SYT1: variants seen among roughly 807,000 people sequenced by gnomAD.
The protein encoded by SYT1 is synaptotagmin-1.
A neutral mutation model predicts 44.8 loss-of-function variants in SYT1; 8 were observed. That is an observed-to-expected ratio of 0.18 (90% CI 0.10 to 0.32). The LOEUF (loss-of-function observed/expected upper bound fraction) is 0.32. Among genes scored for constraint, SYT1 ranks in the 10% least tolerant of loss-of-function variants. The probability of loss-of-function intolerance (pLI) is 1.00; values close to 1 mark genes in which losing one functional copy is unlikely to be tolerated. For synonymous variants in SYT1, 154 were observed against 188.8 expected, an observed-to-expected ratio of 0.82 and a Z score of 1.51; for missense variants, 286 against 509.3, an observed-to-expected ratio of 0.56 and a Z score of 4.22.
At chr12:78,887,614 C>T (rs1206646273) in intron 1 of SYT1, among the ~76,000 whole-genome samples, 1 of 151,796 alleles carries the variant, frequency 6.6e-6, no homozygotes, top group Non-Finnish European at 1.5e-5. Context: ...GGAACATATC[C>T]CCTACGGATA....
intron 1 of SYT1, among the ~76,000 whole-genome samples, chr12:78,883,197 C>A (rs1441515064): frequency 6.6e-6 from 1 of 151,550 alleles, no homozygotes; most frequent in African/African-American, 2.4e-5. Context: ...TTTATTGACA[C>A]AATGCAAAAA....
At chr12:79,353,774 T>G (rs192621718) in intron 9 of SYT1, among the ~76,000 whole-genome samples, 155 bp downstream of exon 9, 168 of 152,304 alleles carry the variant, frequency 1.1e-3, no homozygotes, top group Non-Finnish European at 1.8e-3. Flanking sequence ...CCCAACACAG[T>G]GCCCCAGGAA....
intron 3 of SYT1, among the ~76,000 whole-genome samples, chr12:79,057,758 G>C (rs776424758): frequency 4.6e-5 from 7 of 151,906 alleles, no homozygotes; most frequent in Middle Eastern, 3.4e-3. Context: ...TTCTGTTTCT[G>C]GTTGGGCCAG....
chr12:79,422,755 C>T (rs1869194741), intron 9 of SYT1, among the ~76,000 whole-genome samples: 1 of 151,882 alleles, frequency 6.6e-6, no homozygotes, highest in African/African-American at 2.4e-5. Context: ...GAATACATAT[C>T]CATCCTGAAG....
At chr12:79,447,974 T>C (rs1870829344) in intron 10 of SYT1, among the ~76,000 whole-genome samples, 1 of 152,224 alleles carries the variant, frequency 6.6e-6, no homozygotes, top group Non-Finnish European at 1.5e-5. Flanking sequence ...ATGTTACATA[T>C]TCCATTTATT....
intron 2 of SYT1, among the ~76,000 whole-genome samples, chr12:79,000,255 A>T (rs1592648180): frequency 6.6e-6 from 1 of 151,840 alleles, no homozygotes; most frequent in African/African-American, 2.4e-5. Flanking sequence ...AGTGGTATTT[A>T]AAAATGACTT....
chr12:79,449,133 A>G lies in SYT1; in HGVS notation c.*9A>G. 6.3e-7 allele frequency: 1 copy of G among 1,595,846 alleles called. No homozygotes were observed. The highest frequency in any genetic ancestry group is 8.5e-7 in the Non-Finnish European group (1 of 1,170,364). On this transcript the variant is annotated 3_prime_UTR_variant, in exon 11 of 11. Transcript: ENST00000261205. ...TGGCCGTCAAGAAGTAAAGGAAAGA[A>G]GAAGCCTTTCTGCATTTGCCCATAT...
intron 4 of SYT1, among the ~76,000 whole-genome samples, chr12:79,221,529 TG>T (rs1875160450): frequency 6.6e-6 from 1 of 152,164 alleles, no homozygotes; most frequent in South Asian, 2.1e-4. Context: ...TTTTCTCTAG[TG>T]GTATGTCTGA....
chr12:79,082,755 C>G (rs1339272306), intron 3 of SYT1, among the ~76,000 whole-genome samples: 1 of 151,934 alleles, frequency 6.6e-6, no homozygotes, highest in South Asian at 2.1e-4. Context: ...CTTCATGAGC[C>G]AAGGAAGAGG....
At chr12:79,400,537 A>C (rs1374973777) in intron 9 of SYT1, among the ~76,000 whole-genome samples, 1 of 152,234 alleles carries the variant, frequency 6.6e-6, no homozygotes, top group Non-Finnish European at 1.5e-5. Flanking sequence ...CAGCATTTTC[A>C]GTTTTCTAGA....
At chr12:79,390,955 A>G (rs10778657) in intron 9 of SYT1, among the ~76,000 whole-genome samples, 78,117 of 151,936 alleles carry the variant, frequency 0.51, 24,187 homozygotes, top group Non-Finnish European at 0.7. Context: ...GATTCCTGCC[A>G]TCTGTGTGGG....
At chr12:79,394,105 T>G (rs2136101113) in intron 9 of SYT1, among the ~76,000 whole-genome samples, 1 of 152,354 alleles carries the variant, frequency 6.6e-6, no homozygotes, top group East Asian at 1.9e-4. Flanking sequence ...ACATAATATG[T>G]CATTTGTCTG....
chr12:79,313,661 T>A (rs777245916), intron 8 of SYT1, among the ~76,000 whole-genome samples: 2 of 151,114 alleles, frequency 1.3e-5, no homozygotes, highest in Non-Finnish European at 3.0e-5. Context: ...AATTAAAAAT[T>A]AATGGTGAGA....
chr12:79,298,764 A>T (rs550536147), intron 7 of SYT1, among the ~76,000 whole-genome samples: 1 of 152,250 alleles, frequency 6.6e-6, no homozygotes, highest in Non-Finnish European at 1.5e-5. Flanking sequence ...GAACTTCAAA[A>T]CCCATATTAT....
Position 79,256,480 on chromosome 12 carries a change from A to G in SYT1, c.167-29307A>G, listed in dbSNP as rs532484051. ...AAATTATCAAACCATTACCTTATCAAGCACAAATGTGATGCCAATTCTTGT... is the reference window on the plus strand; with the variant it reads ...AAATTATCAAACCATTACCTTATCAGGCACAAATGTGATGCCAATTCTTGT... On this transcript the variant is annotated intron_variant, in intron 4 of 10. Transcript: ENST00000261205. Among the ~76,000 whole-genome samples, 3 of 152,340 alleles carry G rather than the reference A, an allele frequency of 2.0e-5. No individual in the cohort carries two copies. The East Asian group carries it at 5.8e-4, about 29-fold the overall frequency.
intron 2 of SYT1, among the ~76,000 whole-genome samples, chr12:78,979,760 G>C (rs1020030294): frequency 6.6e-6 from 1 of 151,904 alleles, no homozygotes; most frequent in African/African-American, 2.4e-5. Context: ...TTATTTAAAA[G>C]CTTTTTCCAA....
intron 1 of SYT1, among the ~76,000 whole-genome samples, chr12:78,931,233 AAG>A (rs1491192907): frequency 2.2e-4 from 14 of 64,026 alleles, no homozygotes; most frequent in Non-Finnish European, 7.9e-5. Context: ...GAAAGAAAGA[AAG>A]AAAGAAGGAA....
intron 1 of SYT1, among the ~76,000 whole-genome samples, chr12:78,953,459 G>T (rs1208644744): frequency 6.6e-6 from 1 of 152,010 alleles, no homozygotes; most frequent in Non-Finnish European, 1.5e-5. Flanking sequence ...TATCCGAAGT[G>T]CATTTATGTA....
chr12:79,364,649 C>G (rs1883466528), intron 9 of SYT1, among the ~76,000 whole-genome samples: 1 of 152,196 alleles, frequency 6.6e-6, no homozygotes, highest in East Asian at 1.9e-4. Flanking sequence ...TATTTTATAT[C>G]CTCAGAACCA....
Sources: gnomAD v4.1 joint callset for allele counts (sites outside exome capture counted in the v4.1 genomes callset) on GRCh38, gnomAD v4.1.1 for gene constraint, MANE v1.5 for transcripts, NCBI Gene and HGNC (gene_info 2026-07-23, HGNC 2026-07-21) for gene names.